ITPK1: variants seen among roughly 807,000 people sequenced by gnomAD.
The protein encoded by ITPK1 is inositol 1,3,4-trisphosphate 5/6-kinase.
ITPK1 carries 21 observed loss-of-function variants against 45.3 expected under a neutral mutation model. The ratio of observed to expected loss-of-function variants is 0.46; its 90% CI spans 0.33 to 0.67. The LOEUF is 0.67. Among genes scored for constraint, ITPK1 ranks in the 30% least tolerant of loss-of-function variants. ITPK1 has a pLI of 0.02. For missense variants in ITPK1, 474 were observed against 573.5 expected (o/e 0.83, Z 1.77); for synonymous variants, 258 against 253.6 (o/e 1.02, Z -0.16).
At chr14:93,082,756 T>C (rs1891489202) in intron 2 of ITPK1, among the ~76,000 whole-genome samples, 1 of 152,022 alleles carries the variant, frequency 6.6e-6, no homozygotes, top group Non-Finnish European at 1.5e-5. Flanking sequence ...ACCGGACGGG[T>C]CCTGGGGGAC....
At chr14:93,103,237 A>G (rs1312725746) in intron 2 of ITPK1, among the ~76,000 whole-genome samples, 3 of 151,532 alleles carry the variant, frequency 2.0e-5, no homozygotes, top group Non-Finnish European at 4.4e-5. Flanking sequence ...TGACCAACAC[A>G]GTGAAACCCC....
chr14:93,110,015 C>T (rs559615849), intron 2 of ITPK1, among the ~76,000 whole-genome samples: 33 of 152,174 alleles, frequency 2.2e-4, no homozygotes, highest in Non-Finnish European at 4.4e-4. Flanking sequence ...TTAGCAAATT[C>T]CCTCATTTGA....
intron 5 of ITPK1, among the ~76,000 whole-genome samples, chr14:92,988,840 G>T (rs1886634613): frequency 6.6e-6 from 1 of 152,176 alleles, no homozygotes; most frequent in African/African-American, 2.4e-5. Context: ...TCATTAAGTG[G>T]ATTAAATTAG....
chr14:93,009,430 A>G (rs1887780330), intron 4 of ITPK1, among the ~76,000 whole-genome samples: 1 of 152,156 alleles, frequency 6.6e-6, no homozygotes, highest in Admixed American at 6.5e-5. Flanking sequence ...GGGCTGCACA[A>G]AGTCTAGCTC....
At chr14:93,105,448 A>C (rs978353584) in intron 2 of ITPK1, among the ~76,000 whole-genome samples, 1 of 151,770 alleles carries the variant, frequency 6.6e-6, no homozygotes, top group African/African-American at 2.4e-5. Flanking sequence ...CCCCCTTCCC[A>C]GGAGAATCTT....
chr14:92,970,357 G>A (rs537393919), intron 5 of ITPK1, among the ~76,000 whole-genome samples: 2 of 152,324 alleles, frequency 1.3e-5, no homozygotes, highest in South Asian at 2.1e-4. Context: ...CCTGGCACAC[G>A]ACAGGCACCC....
chr14:93,099,975 C>G (rs759649086), intron 2 of ITPK1, among the ~76,000 whole-genome samples: 1 of 152,234 alleles, frequency 6.6e-6, no homozygotes, highest in Non-Finnish European at 1.5e-5. Context: ...CCCAGCCTCA[C>G]TCTGGCCAGC....
rs1887389204 is a variant in ITPK1 at position 92,941,441 on chromosome 14, T to C, written c.*120A>G. The C allele has an allele frequency of 7.0e-7, 1 of 1,420,462 alleles. No individual in the cohort carries two copies. The highest frequency in any genetic ancestry group is 9.1e-7 in the Non-Finnish European group (1 of 1,094,472). The allele number at this position is 1,420,462 out of a possible 1,614,324, so 88.0% of individuals were successfully genotyped here. On this transcript the variant is annotated 3_prime_UTR_variant, in exon 11 of 11. Coordinates refer to ENST00000267615, the MANE Select transcript of ITPK1 (RefSeq NM_014216.6). ...TGACATCAGAGAATCAGGTTAAAAA[T>C]TAAAAAACAGAAGAATCAGATCACT... is the stretch of plus-strand genomic sequence containing the variant.
At chr14:93,004,221 C>T (rs1041582915) in intron 4 of ITPK1, among the ~76,000 whole-genome samples, 17 of 152,248 alleles carry the variant, frequency 1.1e-4, no homozygotes, top group African/African-American at 3.9e-4. Flanking sequence ...GGGCAGTGGA[C>T]AGCTGTGCAT....
chr14:92,972,361 AAGG>A (rs1330171907), intron 5 of ITPK1, among the ~76,000 whole-genome samples: 2 of 152,138 alleles, frequency 1.3e-5, no homozygotes, highest in African/African-American at 2.4e-5. Flanking sequence ...GTGTCCTTAT[AAGG>A]AGATTAGGAC....
chr14:92,947,040 G>A (rs951463524), intron 9 of ITPK1, among the ~76,000 whole-genome samples: 1 of 152,194 alleles, frequency 6.6e-6, no homozygotes, highest in Non-Finnish European at 1.5e-5. Context: ...CAGCAGCTGC[G>A]GGACATGGCT....
chr14:92,967,022 C>T (rs1885406990), intron 5 of ITPK1, among the ~76,000 whole-genome samples: 2 of 152,294 alleles, frequency 1.3e-5, no homozygotes, highest in African/African-American at 4.8e-5. Context: ...CCTTCATGAC[C>T]GTGCATTAGG....
intron 2 of ITPK1, among the ~76,000 whole-genome samples, chr14:93,103,279 C>T (rs996850801): frequency 6.6e-6 from 1 of 151,750 alleles, no homozygotes; most frequent in African/African-American, 2.4e-5. Flanking sequence ...ATTAGCCGGG[C>T]GTGGTGGCGC....
chr14:92,958,175 C>T lies in ITPK1; in HGVS notation c.670+26G>A. 4 of 1,613,040 alleles carry T rather than the reference C, an allele frequency of 2.5e-6. No individual in the cohort carries two copies. In the South Asian group the frequency reaches 3.3e-5, roughly 13 times the overall value. The stretch of plus-strand genomic sequence containing the variant: ...AGCTGGGCCCCTGAGTCTTGCTCAG[C>T]CCAAGATGGTGAGAAGAGCAGTTAC... On this transcript the variant is annotated intron_variant, in intron 8 of 10. Transcript: ENST00000267615. This position sits in a 1 kb window ranked among gnomAD's most constrained non-coding sequence, Gnocchi z 4.4.
At chr14:93,021,719 C>G (rs901306005) in intron 3 of ITPK1, among the ~76,000 whole-genome samples, 2 of 152,092 alleles carry the variant, frequency 1.3e-5, no homozygotes, top group African/African-American at 4.8e-5. Flanking sequence ...AGTCTTTTCC[C>G]TGGCAAGAAC....
intron 5 of ITPK1, 42 bp downstream of exon 5, chr14:92,993,838 G>A: frequency 7.6e-7 from 1 of 1,319,988 alleles, no homozygotes; most frequent in Non-Finnish European, 1.1e-6. Context: ...TGACCACAAA[G>A]GTGGCTGCCT....
At position 93,032,216 on chromosome 14, in the gene ITPK1, G is replaced by A. The variant is rs1889097229; in HGVS notation, c.121-15415C>T. On this transcript the variant is annotated intron_variant, in intron 3 of 10. Transcript: ENST00000267615. The surrounding 1 kb of genome is among the most constrained non-coding windows in gnomAD (Gnocchi z 4.0). Reference sequence around the variant, plus strand: ...AGTGCAAAAATTAGCTGGGCATGGTGGTGCATGCCTGCAATCCCAGCTACT... The same window carrying A: ...AGTGCAAAAATTAGCTGGGCATGGTAGTGCATGCCTGCAATCCCAGCTACT... 6.6e-6 allele frequency among the ~76,000 whole-genome samples: 1 copy of A among 152,146 alleles called. No homozygotes were observed.
At chr14:92,996,152 TGGGA>T (rs1158705230) in intron 4 of ITPK1, among the ~76,000 whole-genome samples, 1 of 151,844 alleles carries the variant, frequency 6.6e-6, no homozygotes, top group Non-Finnish European at 1.5e-5. Context: ...GAGGCTGAGG[TGGGA>T]GGATCACTCA....
chr14:92,938,456 G>A lies in ITPK1; in HGVS notation c.*3105C>T. Reference sequence around the variant, plus strand: ...CAGGCAACAGCTGCTTTGCTCAGTTGGCTCAAACATGTGACAGCTTCCTAC... The same window carrying A: ...CAGGCAACAGCTGCTTTGCTCAGTTAGCTCAAACATGTGACAGCTTCCTAC... On this transcript the variant is annotated 3_prime_UTR_variant, in exon 11 of 11. Coordinates refer to ENST00000267615, the MANE Select transcript of ITPK1 (RefSeq NM_014216.6). 6.3e-7 allele frequency: 1 copy of A among 1,599,290 alleles called. No homozygotes were observed. The highest frequency in any genetic ancestry group is 1.1e-5 in the South Asian group (1 of 90,788).
Sources: gnomAD v4.1 joint callset for allele counts (sites outside exome capture counted in the v4.1 genomes callset) on GRCh38, gnomAD v4.1.1 for gene constraint, Gnocchi (gnomAD v3.1) non-coding constraint, MANE v1.5 for transcripts, NCBI Gene and HGNC (gene_info 2026-07-23, HGNC 2026-07-21) for gene names.